Variants in MDFIC2 observed in about 807,000 individuals in gnomAD.
The protein encoded by MDFIC2 is myoD family inhibitor domain-containing protein 2.
chr3:70,271,004 G>A (rs1444282366), intron 2 of MDFIC2, among the ~76,000 whole-genome samples: 1 of 151,828 alleles, frequency 6.6e-6, no homozygotes, highest in South Asian at 2.1e-4. Flanking sequence ...TGCACATTCT[G>A]CACATGTATC....
intron 2 of MDFIC2, among the ~76,000 whole-genome samples, chr3:70,295,373 T>G (rs1384833043): frequency 6.6e-6 from 1 of 152,124 alleles, no homozygotes; most frequent in African/African-American, 2.4e-5. Flanking sequence ...TTCCAAAAAC[T>G]CAACCCTTTG....
At chr3:70,209,982 G>C (rs1701327525) in intron 2 of MDFIC2, among the ~76,000 whole-genome samples, 1 of 152,132 alleles carries the variant, frequency 6.6e-6, no homozygotes. Flanking sequence ...TGAGTATGGA[G>C]ATTGCAGCAG....
At chr3:70,293,045 CAAAAAAA>C (rs55990203) in intron 2 of MDFIC2, among the ~76,000 whole-genome samples, 31 of 74,780 alleles carry the variant, frequency 4.1e-4, no homozygotes, top group South Asian at 1.8e-3. Context: ...TGGTTTGAAG[CAAAAAAA>C]AAAAAAAAAA....
At position 70,287,846 on chromosome 3, in the gene MDFIC2, A is replaced by G. The variant is rs1325788822; in HGVS notation, c.88+24040T>C. 3.3e-5 allele frequency among the ~76,000 whole-genome samples: 5 copies of G among 151,932 alleles called. No individual in the cohort carries two copies. In the South Asian group the frequency reaches 1.0e-3, roughly 32 times the overall value. ...TCTAGATTTTCTAGTTTATTTGCGT[A>G]GAGGTGTTTGTAGTATTCTCTGATG... On this transcript the variant is annotated intron_variant, in intron 2 of 3. Coordinates refer to ENST00000567252, the MANE Select transcript of MDFIC2 (RefSeq NM_001364677.1).
chr3:70,236,479 A>C (rs916902658), intron 2 of MDFIC2, among the ~76,000 whole-genome samples: 3 of 152,206 alleles, frequency 2.0e-5, no homozygotes, highest in Non-Finnish European at 4.4e-5. Context: ...TCTTCTTACT[A>C]ATGTGTAAGC....
At chr3:70,250,021 G>T (rs1701745517) in intron 2 of MDFIC2, among the ~76,000 whole-genome samples, 1 of 152,110 alleles carries the variant, frequency 6.6e-6, no homozygotes, top group Non-Finnish European at 1.5e-5. Context: ...AGAAGTTCTG[G>T]CTTCGAGTTG....
At chr3:70,299,320 CG>C (rs1702322534) in intron 2 of MDFIC2, among the ~76,000 whole-genome samples, 1 of 143,820 alleles carries the variant, frequency 7.0e-6, no homozygotes, top group East Asian at 2.0e-4. Flanking sequence ...TAAATTTGTG[CG>C]TTATTTGTAT....
intron 2 of MDFIC2, among the ~76,000 whole-genome samples, chr3:70,229,552 G>A (rs1416308660): frequency 6.6e-6 from 1 of 152,186 alleles, no homozygotes. Flanking sequence ...TCTGGCTGAA[G>A]GGACATGGGC....
intron 2 of MDFIC2, among the ~76,000 whole-genome samples, chr3:70,219,348 C>T (rs952768013): frequency 4.6e-5 from 7 of 152,088 alleles, no homozygotes; most frequent in Non-Finnish European, 8.8e-5. Flanking sequence ...TGCATGCTCC[C>T]GATTCACAAA....
intron 2 of MDFIC2, among the ~76,000 whole-genome samples, chr3:70,224,050 C>A (rs1363335703): frequency 6.6e-6 from 1 of 152,010 alleles, no homozygotes; most frequent in African/African-American, 2.4e-5. Flanking sequence ...GATCTCTATT[C>A]TTTATCACAG....
chr3:70,281,273 C>T (rs1226698025), intron 2 of MDFIC2, among the ~76,000 whole-genome samples: 2 of 152,132 alleles, frequency 1.3e-5, no homozygotes, highest in South Asian at 2.1e-4. Context: ...TCCCCAGATT[C>T]GTGTCAATGC....
At chr3:70,279,751 A>G (rs1279011543) in intron 2 of MDFIC2, among the ~76,000 whole-genome samples, 1 of 152,176 alleles carries the variant, frequency 6.6e-6, no homozygotes, top group Non-Finnish European at 1.5e-5. Context: ...GCTGGATGGC[A>G]TAAATGCCAT....
chr3:70,306,879 C>T (rs1702406264), intron 2 of MDFIC2, among the ~76,000 whole-genome samples: 1 of 152,012 alleles, frequency 6.6e-6, no homozygotes, highest in African/African-American at 2.4e-5. Flanking sequence ...TGACTTTGCT[C>T]ATATGTATAA....
chr3:70,201,789 C>T (rs76686448), intron 3 of MDFIC2, among the ~76,000 whole-genome samples: 3,286 of 152,296 alleles, frequency 0.022, 115 homozygotes, highest in East Asian at 0.15. Context: ...ATTCCCTCCT[C>T]TTGCCCTCCT....
chr3:70,243,243 T>A (rs994373704), intron 2 of MDFIC2, among the ~76,000 whole-genome samples: 1 of 152,134 alleles, frequency 6.6e-6, no homozygotes, highest in African/African-American at 2.4e-5. Context: ...GCTGAGTCTT[T>A]TTATTGGGGA....
In MDFIC2 at chr3:70,221,285, C is replaced by T. The variant is rs547723191; in HGVS notation, c.89-14495G>A. 2.6e-5 allele frequency among the ~76,000 whole-genome samples: 4 copies of T among 152,180 alleles called. No individual in the cohort carries two copies. The South Asian group carries it at 6.2e-4, about 24-fold the overall frequency. ...TCACTTCACACTATGAGAAGCTTTG[C>T]CTAAGTGCTTTAAATGAATTCTCAT... is the stretch of plus-strand genomic sequence containing the variant. On this transcript the variant is annotated intron_variant, in intron 2 of 3. Coordinates refer to ENST00000567252, the MANE Select transcript of MDFIC2 (RefSeq NM_001364677.1).
chr3:70,255,371 T>G (rs1011081070), intron 2 of MDFIC2, among the ~76,000 whole-genome samples: 7 of 152,160 alleles, frequency 4.6e-5, no homozygotes, highest in Admixed American at 4.6e-4. Flanking sequence ...GTTCTTGACA[T>G]TTGGTTCATA....
chr3:70,274,066 T>TGTGTGTGC (rs1234043035), intron 2 of MDFIC2, among the ~76,000 whole-genome samples: 3 of 148,026 alleles, frequency 2.0e-5, no homozygotes, highest in South Asian at 2.3e-4. Context: ...CGTGTGTGTG[T>TGTGTGTGC]GTGTGTGTGT....
intron 2 of MDFIC2, among the ~76,000 whole-genome samples, chr3:70,234,293 C>T (rs537323656): frequency 6.6e-5 from 10 of 152,248 alleles, no homozygotes; most frequent in African/African-American, 2.2e-4. Context: ...GTTTATTGAA[C>T]ATCTACTATA....
Sources: gnomAD v4.1 joint callset for allele counts (sites outside exome capture counted in the v4.1 genomes callset) on GRCh38, gnomAD v4.1.1 for gene constraint, MANE v1.5 for transcripts, NCBI Gene and HGNC (gene_info 2026-07-23, HGNC 2026-07-21) for gene names.